NSMAF: variants seen among roughly 807,000 people sequenced by gnomAD.
NSMAF encodes protein FAN.
Under a neutral mutation model 134.9 loss-of-function variants are expected in NSMAF, and 90 were observed. That is an observed-to-expected ratio of 0.67 (90% confidence interval 0.56 to 0.79). The LOEUF (loss-of-function observed/expected upper bound fraction) is 0.79, where lower values mean the gene tolerates loss of function less well. Among genes scored for constraint, NSMAF ranks in the 30% least tolerant of loss-of-function variants. The pLI is 0.00. For synonymous variants in NSMAF, 358 were observed against 389.6 expected (o/e 0.92, Z 0.96); for missense variants, 1,010 against 1,119.0 (o/e 0.90, Z 1.39).
Position 58,603,235 on chromosome 8 carries a change from T to A in NSMAF, c.1020A>T (p.Ile340=), listed in dbSNP as rs746735700. ...CTAGTTCTGAGCTGGAATAATCATGTATTATCCATGGAAACACAGGGTACT... is the reference window on the plus strand; with the variant it reads ...CTAGTTCTGAGCTGGAATAATCATGAATTATCCATGGAAACACAGGGTACT... ...LSQYPVFPWI[I]HDYSSSELDL... The change falls in exon 13 of 31, where the codon ATA becomes ATT. Residue 340 remains isoleucine, a synonymous_variant. Transcript: ENST00000038176. 1.1e-5 allele frequency: 18 copies of A among 1,614,088 alleles called. No homozygotes were observed. Among genetic ancestry groups the A allele is most frequent in the Middle Eastern group, 1.6e-4 (1 of 6,084 alleles).
intron 6 of NSMAF, 115 bp downstream of exon 6, chr8:58,631,381 G>T: frequency 1.9e-6 from 1 of 523,624 alleles, no homozygotes; most frequent in Non-Finnish European, 3.3e-6. Flanking sequence ...CAGGTAAGAA[G>T]CTTTTAAATA....
chr8:58,647,403 T>C (rs959706949), intron 1 of NSMAF, among the ~76,000 whole-genome samples: 1 of 152,204 alleles, frequency 6.6e-6, no homozygotes, highest in African/African-American at 2.4e-5. Context: ...GCAGTCCTAC[T>C]ACCCACCATT....
intron 1 of NSMAF, among the ~76,000 whole-genome samples, chr8:58,652,387 T>A (rs1200448150): frequency 6.6e-6 from 1 of 152,136 alleles, no homozygotes; most frequent in African/African-American, 2.4e-5. Context: ...TGAACCCTGG[T>A]CCCCTGACCA....
At position 58,595,662 on chromosome 8, in the gene NSMAF, G is replaced by C; in HGVS notation, c.1793-3C>G. The C allele has an allele frequency of 1.9e-6, 3 of 1,602,452 alleles. No homozygotes were observed. Among genetic ancestry groups the C allele is most frequent in the Non-Finnish European group, 2.6e-6 (3 of 1,171,310 alleles). ...CAGGTCTTCAAAAGACTCTTCACCT[G>C]GAGAGACGACATTAAATTTTTGCTA... On this transcript the variant is annotated splice_region_variant and splice_polypyrimidine_tract_variant and intron_variant, in intron 21 of 30. Transcript: ENST00000038176.
intron 1 of NSMAF, among the ~76,000 whole-genome samples, chr8:58,646,338 GAATAGAGTAAGTATTCTTC>G (rs1807452137): frequency 6.6e-6 from 1 of 152,164 alleles, no homozygotes; most frequent in Admixed American, 6.5e-5. Flanking sequence ...AGAGAGGGAA[GAATAGAGTAAGTATTCTTC>G]AATAAGACAA....
rs1269269664 is a variant in NSMAF at position 58,587,684 on chromosome 8, AG to A, written c.2228del (p.Pro743LeufsTer24). The A allele has an allele frequency of 1.2e-6, 2 of 1,614,136 alleles. No individual in the cohort carries two copies. Among genetic ancestry groups the A allele is most frequent in the South Asian group, 1.1e-5 (1 of 91,078 alleles). On this transcript the variant is annotated frameshift_variant, in exon 27 of 31. Coordinates refer to ENST00000038176, the MANE Select transcript of NSMAF (RefSeq NM_003580.4). LOFTEE classifies it high-confidence loss of function. ...DSTVKVWSGV[P>X]AEMPGTKRHH... ...GTCTTTTGGTGCCTGGCATCTCTGC[AG>A]GAACACCAGACCACACCTAGGATGG...
chr8:58,636,325 T>G (rs987409284), intron 2 of NSMAF, among the ~76,000 whole-genome samples: 11 of 152,232 alleles, frequency 7.2e-5, no homozygotes, highest in African/African-American at 2.4e-4. Context: ...CAAAAATCTC[T>G]GAAGACAGCC....
intron 14 of NSMAF, 87 bp from the exon 15 acceptor site, chr8:58,601,622 T>TAACATAGATA: frequency 6.8e-7 from 1 of 1,460,238 alleles, no homozygotes; most frequent in South Asian, 1.4e-5. Context: ...AAAGAAATCA[T>TAACATAGATA]AACATAGATA....
chr8:58,611,470 C>CT (rs1806529791), intron 9 of NSMAF, among the ~76,000 whole-genome samples: 1 of 152,082 alleles, frequency 6.6e-6, no homozygotes, highest in Non-Finnish European at 1.5e-5. Context: ...GAGGATGGGG[C>CT]TTCAGTCAGC....
chr8:58,594,359 C>T (rs1167967926), intron 22 of NSMAF, 69 bp from the exon 23 acceptor site: 5 of 1,383,018 alleles, frequency 3.6e-6, no homozygotes, highest in East Asian at 4.6e-5. Context: ...GTTTCATATC[C>T]TTGATTTAAT....
At chr8:58,595,723 T>C in intron 21 of NSMAF, 64 bp from the exon 22 acceptor site, 1 of 928,492 alleles carries the variant, frequency 1.1e-6, no homozygotes, top group Admixed American at 1.8e-5. Flanking sequence ...CAGCATCAGA[T>C]TAACAATATT....
chr8:58,597,313 C>A, intron 21 of NSMAF, 74 bp downstream of exon 21: 1 of 1,331,798 alleles, frequency 7.5e-7, no homozygotes, highest in South Asian at 1.3e-5. Context: ...TACGTCTTAT[C>A]TCCTCTTCAG....
chr8:58,659,452 C>G, intron 1 of NSMAF, 121 bp downstream of exon 1: 1 of 1,492,546 alleles, frequency 6.7e-7, no homozygotes, highest in East Asian at 2.8e-5. Flanking sequence ...GACACGCGTC[C>G]GGCCCCTGCC....
intron 11 of NSMAF, among the ~76,000 whole-genome samples, 188 bp downstream of exon 11, chr8:58,607,581 A>G (rs1000535432): frequency 1.4e-4 from 22 of 152,256 alleles, no homozygotes; most frequent in African/African-American, 5.1e-4. Context: ...TCTTCTCTAC[A>G]TGAAAGAGTT....
At chr8:58,603,735 G>C (rs1057075500) in intron 12 of NSMAF, among the ~76,000 whole-genome samples, 1 of 151,992 alleles carries the variant, frequency 6.6e-6, no homozygotes, top group Non-Finnish European at 1.5e-5. Context: ...CTGTCTCCAT[G>C]CATTTAAAAA....
At chr8:58,648,109 A>T (rs1807502982) in intron 1 of NSMAF, among the ~76,000 whole-genome samples, 1 of 152,228 alleles carries the variant, frequency 6.6e-6, no homozygotes, top group African/African-American at 2.4e-5. Flanking sequence ...AATGAATGGG[A>T]ACTGAAACAA....
intron 12 of NSMAF, among the ~76,000 whole-genome samples, chr8:58,604,698 T>C (rs2129141639): frequency 6.6e-6 from 1 of 152,198 alleles, no homozygotes; most frequent in Non-Finnish European, 1.5e-5. Flanking sequence ...TACACTAAAA[T>C]AACAAACACA....
At chr8:58,606,133 TTG>T (rs1486620487) in intron 11 of NSMAF, 98 bp from the exon 12 acceptor site, 9 of 1,061,070 alleles carry the variant, frequency 8.5e-6, no homozygotes, top group African/African-American at 1.7e-5. Context: ...AGTTAAACAT[TTG>T]TGTTTATTTT....
At chr8:58,659,116 T>A (rs997445500) in intron 1 of NSMAF, 8 of 973,264 alleles carry the variant, frequency 8.2e-6, no homozygotes, top group African/African-American at 1.8e-5. Context: ...CGACCAACTC[T>A]GCGGCGCCGG....
Sources: allele counts gnomAD v4.1 joint callset (sites outside exome capture counted in the v4.1 genomes callset), GRCh38; gene constraint gnomAD v4.1.1; transcripts MANE v1.5; gene names NCBI Gene and HGNC (gene_info 2026-07-23, HGNC 2026-07-21).